Variants in UPF2 observed in about 807,000 individuals in gnomAD.
UPF2 encodes UPF2 regulator of nonsense mediated mRNA decay, also known as regulator of nonsense transcripts 2.
A neutral mutation model predicts 141.4 loss-of-function variants in UPF2; 17 were observed. The ratio of observed to expected loss-of-function variants is 0.12; its 90% CI spans 0.08 to 0.18. The LOEUF is 0.18. UPF2 is among the 10% of genes least tolerant of loss of function. The pLI is 1.00. For synonymous variants in UPF2, 540 were observed against 498.0 expected, an observed-to-expected ratio of 1.08 and a Z score of -1.12; for missense variants, 1,152 against 1,515.9, an observed-to-expected ratio of 0.76 and a Z score of 3.99.
intron 4 of UPF2, among the ~76,000 whole-genome samples, chr10:12,010,914 G>A (rs1182835431): frequency 6.6e-6 from 1 of 151,984 alleles, no homozygotes; most frequent in Non-Finnish European, 1.5e-5. Flanking sequence ...CAAGCTAGAA[G>A]ACAGAGGAGT....
intron 1 of UPF2, among the ~76,000 whole-genome samples, chr10:12,039,624 T>TCTC (rs1564376770): frequency 3.6e-5 from 5 of 138,872 alleles, no homozygotes; most frequent in Admixed American, 2.9e-4. Context: ...CTCTCTCTCT[T>TCTC]TTTTTTTTTT....
intron 1 of UPF2, among the ~76,000 whole-genome samples, chr10:12,041,916 G>A (rs1834741620): frequency 6.6e-6 from 1 of 152,110 alleles, no homozygotes; most frequent in South Asian, 2.1e-4. Flanking sequence ...GAGAGCTGAA[G>A]GTCCGATCAC....
chr10:12,040,720 A>ATTTGGG (rs1834721783), intron 1 of UPF2, among the ~76,000 whole-genome samples: 2 of 152,356 alleles, frequency 1.3e-5, no homozygotes, highest in South Asian at 4.1e-4. Context: ...CTGCAGCCTG[A>ATTTGGG]TAGCTACAGA....
chr10:11,952,770 G>A (rs774975337), intron 14 of UPF2, among the ~76,000 whole-genome samples: 24 of 151,778 alleles, frequency 1.6e-4, no homozygotes, highest in Non-Finnish European at 2.4e-4. Flanking sequence ...CACTGCGCCC[G>A]GCCCTAGATA....
At chr10:12,002,394 C>T (rs1042506986) in intron 5 of UPF2, among the ~76,000 whole-genome samples, 5 of 152,050 alleles carry the variant, frequency 3.3e-5, no homozygotes, top group Non-Finnish European at 5.9e-5. Flanking sequence ...TGGATGAGGA[C>T]TTACATGGCG....
intron 3 of UPF2, among the ~76,000 whole-genome samples, chr10:12,028,259 A>G (rs1001200805): frequency 6.6e-6 from 1 of 152,186 alleles, no homozygotes; most frequent in African/African-American, 2.4e-5. Flanking sequence ...TTCACAGCTA[A>G]TTTTGTGCAT....
chr10:11,954,042 G>C (rs1389313035), intron 14 of UPF2, among the ~76,000 whole-genome samples: 1 of 152,140 alleles, frequency 6.6e-6, no homozygotes, highest in African/African-American at 2.4e-5. Flanking sequence ...ATAGTGAGTT[G>C]TTCACCCTAA....
chr10:11,978,998 G>C (rs1833551280), intron 9 of UPF2, 59 bp downstream of exon 9: 2 of 1,319,398 alleles, frequency 1.5e-6, no homozygotes, highest in Non-Finnish European at 2.2e-6. Context: ...CATTCTTAAA[G>C]AATCCTCACT....
At chr10:11,962,187 C>T (rs1336477967) in intron 11 of UPF2, among the ~76,000 whole-genome samples, 4 of 152,176 alleles carry the variant, frequency 2.6e-5, no homozygotes, top group East Asian at 1.9e-4. Flanking sequence ...CCCCCACACA[C>T]GCACACTCAC....
intron 5 of UPF2, 85 bp downstream of exon 5, chr10:12,004,445 A>T (rs1834001483): frequency 9.3e-7 from 1 of 1,077,026 alleles, no homozygotes; most frequent in South Asian, 1.7e-5. Context: ...TAGTAACTAC[A>T]ATATATATAT....
rs966250631 is a variant in UPF2 at position 11,998,349 on chromosome 10, A to G, written c.1759-592T>C. Among the ~76,000 whole-genome samples the G allele has an allele frequency of 1.3e-5, 2 of 152,114 alleles. No homozygotes were observed. The highest frequency in any genetic ancestry group is 4.8e-5 in the African/African-American group (2 of 41,436). ...TTCAATCCCCTGTCTAAAATTTCAT[A>G]AAACAGGGAATTTATCTAGATGACC... On this transcript the variant is annotated intron_variant, in intron 7 of 21. Coordinates refer to ENST00000357604, the MANE Select transcript of UPF2 (RefSeq NM_015542.4). The surrounding 1 kb of genome is among the most constrained non-coding windows in gnomAD (Gnocchi z 4.5).
rs58106776 is a variant in UPF2, at chr10:11,938,853, G to GTTTTTTTT, written c.3379-2149_3379-2142dup. 8.7e-3 allele frequency among the ~76,000 whole-genome samples: 697 copies of GTTTTTTTT among 79,796 alleles called. 139 individuals are homozygous for GTTTTTTTT. The highest frequency in any genetic ancestry group is 9.3e-3 in the African/African-American group (187 of 20,086). The allele number at this position is 79,796 out of a possible 152,430, so 52.3% of individuals were successfully genotyped here. ...GTGGTCTTAAGCAAGTTTTTTTTTT[G>GTTTTTTTT]TTTTTTTTTTTTTTTTTTTTTTTTT... On this transcript the variant is annotated intron_variant, in intron 18 of 21. Transcript: ENST00000357604.
intron 21 of UPF2, among the ~76,000 whole-genome samples, chr10:11,925,071 G>A (rs1372783776): frequency 1.3e-5 from 2 of 151,974 alleles, no homozygotes; most frequent in Non-Finnish European, 2.9e-5. Flanking sequence ...TGCCTTCCTC[G>A]GCCCCCCAAA....
At chr10:12,030,010 C>T (rs920503555) in intron 2 of UPF2, among the ~76,000 whole-genome samples, 3 of 148,790 alleles carry the variant, frequency 2.0e-5, no homozygotes, top group African/African-American at 4.9e-5. Flanking sequence ...TAACGACTAA[C>T]GATAACAAGT....
chr10:11,997,850 A>G lies in UPF2; in HGVS notation c.1759-93T>C, dbSNP rs1833888793. 2.6e-5 allele frequency: 33 copies of G among 1,249,532 alleles called. No homozygotes were observed. In the South Asian group the frequency reaches 4.3e-4, roughly 16 times the overall value. 77.4% of individuals were successfully genotyped at this position (1,249,532 alleles called of 1,614,324 possible). A position where few individuals can be genotyped will look rare whatever the true frequency, so the allele number is the denominator to read the frequency against. ...TACTATGATATTTTTATTTGTTCTT[A>G]AACATTTCAAAATGGTTTTAAGAAA... On this transcript the variant is annotated intron_variant, in intron 7 of 21. Coordinates refer to ENST00000357604, the MANE Select transcript of UPF2 (RefSeq NM_015542.4).
At chr10:11,962,955 A>G (rs1339806176) in intron 11 of UPF2, among the ~76,000 whole-genome samples, 2 of 152,198 alleles carry the variant, frequency 1.3e-5, no homozygotes, top group East Asian at 1.9e-4. Context: ...AGGCTTATAC[A>G]TTAAATCATA....
At chr10:11,968,578 A>G (rs1049709430) in intron 9 of UPF2, among the ~76,000 whole-genome samples, 8 of 150,790 alleles carry the variant, frequency 5.3e-5, no homozygotes, top group African/African-American at 2.0e-4. Flanking sequence ...CATTACAAGG[A>G]AAGAGCCAAT....
At chr10:11,990,167 C>T (rs1358870322) in intron 8 of UPF2, among the ~76,000 whole-genome samples, 1 of 152,108 alleles carries the variant, frequency 6.6e-6, no homozygotes, top group African/African-American at 2.4e-5. Flanking sequence ...GAAAGCTGGC[C>T]CAAACAGGGC....
chr10:11,964,032 G>C lies in UPF2; in HGVS notation c.2161C>G (p.His721Asp). Residue 721 changes from histidine (H) to aspartate (D), a missense_variant, in exon 11 of 22, where the codon CAC becomes GAC. Transcript: ENST00000357604. ...GRFLFRSPES[H>D]LRTSVLLEQM... ...ACCAAAAGTACACTGGTCCTCAGGT[G>C]AGATTCTGGAGATCTGAAAAGAAAC... The C allele has an allele frequency of 6.2e-7, 1 of 1,613,800 alleles. No homozygotes were observed. The highest frequency in any genetic ancestry group is 1.3e-5 in the African/African-American group (1 of 75,036).
Sources: allele counts gnomAD v4.1 joint callset (sites outside exome capture counted in the v4.1 genomes callset), GRCh38; gene constraint gnomAD v4.1.1; non-coding constraint Gnocchi (gnomAD v3.1); transcripts MANE v1.5; gene names NCBI Gene and HGNC (gene_info 2026-07-23, HGNC 2026-07-21).